The following SYT16 variants were observed in gnomAD, a reference collection of about 807,000 sequenced individuals.
SYT16 encodes synaptotagmin-16.
In SYT16, 42 loss-of-function variants were observed where a neutral mutation model predicts 61.4. The observed-to-expected ratio is 0.68, with a 90% CI of 0.53 to 0.89. The LOEUF is 0.89. SYT16 is among the 40% of genes least tolerant of loss of function. SYT16 has a pLI of 0.00. For synonymous variants in SYT16, 314 were observed against 302.3 expected, an observed-to-expected ratio of 1.04 and a Z score of -0.40; for missense variants, 804 against 807.3, an observed-to-expected ratio of 1.00 and a Z score of 0.05.
At chr14:62,076,440 A>G (rs2056498354) in intron 5 of SYT16, among the ~76,000 whole-genome samples, 1 of 133,058 alleles carries the variant, frequency 7.5e-6, no homozygotes, top group Non-Finnish European at 1.6e-5. Flanking sequence ...TAAATGCTCA[A>G]GGTAAAAAAA....
chr14:61,878,019 C>T (rs2047561079), intron 1 of SYT16, among the ~76,000 whole-genome samples: 1 of 152,092 alleles, frequency 6.6e-6, no homozygotes, highest in Non-Finnish European at 1.5e-5. Context: ...GTATACCTGC[C>T]CTGGGCAAGG....
chr14:61,941,681 C>T (rs2050216702), intron 1 of SYT16, among the ~76,000 whole-genome samples: 1 of 152,190 alleles, frequency 6.6e-6, no homozygotes, highest in African/African-American at 2.4e-5. Flanking sequence ...TTCTTCTTAG[C>T]TCTGCAGCTC....
At chr14:61,841,722 G>A (rs2046306636) in intron 1 of SYT16, among the ~76,000 whole-genome samples, 1 of 152,112 alleles carries the variant, frequency 6.6e-6, no homozygotes, top group African/African-American at 2.4e-5. Context: ...TTATGTTCAT[G>A]TGTGCCATTT....
chr14:62,048,220 T>A (rs563654149), intron 3 of SYT16, among the ~76,000 whole-genome samples: 44 of 152,250 alleles, frequency 2.9e-4, no homozygotes, highest in Admixed American at 3.3e-4. Context: ...TGTATGTGTC[T>A]AGGAATTTAT....
At chr14:61,856,397 T>A (rs1036017901) in intron 1 of SYT16, among the ~76,000 whole-genome samples, 1 of 152,162 alleles carries the variant, frequency 6.6e-6, no homozygotes, top group Non-Finnish European at 1.5e-5. Flanking sequence ...TTATCTCCAA[T>A]ATAATATTTT....
chr14:62,068,715 G>T (rs1473756659), intron 3 of SYT16, among the ~76,000 whole-genome samples: 2 of 152,030 alleles, frequency 1.3e-5, no homozygotes. Flanking sequence ...TCAAAGGTTG[G>T]GTTGTTGATG....
At chr14:62,016,907 C>T (rs1219509021) in intron 3 of SYT16, among the ~76,000 whole-genome samples, 1 of 152,056 alleles carries the variant, frequency 6.6e-6, no homozygotes, top group Non-Finnish European at 1.5e-5. Context: ...ATTACTCATC[C>T]CTGTATCCCA....
intron 1 of SYT16, among the ~76,000 whole-genome samples, chr14:61,899,961 A>T (rs1328551424): frequency 6.6e-6 from 1 of 152,222 alleles, no homozygotes; most frequent in Non-Finnish European, 1.5e-5. Context: ...AATGACTGAC[A>T]TAAGGCAAGA....
chr14:61,939,211 G>C (rs1266656939), intron 1 of SYT16, among the ~76,000 whole-genome samples: 1 of 152,170 alleles, frequency 6.6e-6, no homozygotes, highest in Non-Finnish European at 1.5e-5. Flanking sequence ...TGCTATAGAA[G>C]TCTGGAGGAC....
chr14:61,831,344 T>G lies in SYT16; in HGVS notation c.-325+18534T>G, dbSNP rs1011223718. Among the ~76,000 whole-genome samples, 4 of 151,552 alleles carry G rather than the reference T, an allele frequency of 2.6e-5. No individual in the cohort carries two copies. The South Asian group carries it at 6.2e-4, about 24-fold the overall frequency. ...ATTTTAATGTATTACTTTTTAGTCC[T>G]TTATCATCTATCACTGATGAGAATT... On this transcript the variant is annotated intron_variant, in intron 1 of 7. Transcript: ENST00000683842.
intron 2 of SYT16, among the ~76,000 whole-genome samples, chr14:61,973,165 T>G (rs2051635064): frequency 6.6e-6 from 1 of 152,194 alleles, no homozygotes; most frequent in African/African-American, 2.4e-5. Context: ...GATGTTTATT[T>G]TCCAAACCTA....
chr14:61,904,459 T>C (rs2048631539), intron 1 of SYT16, among the ~76,000 whole-genome samples: 1 of 152,178 alleles, frequency 6.6e-6, no homozygotes, highest in Non-Finnish European at 1.5e-5. Flanking sequence ...TGTGATGTTA[T>C]GAGGTTGTGT....
At position 62,102,007 on chromosome 14, in the gene SYT16, A is replaced by T. The variant is rs187556563; in HGVS notation, c.*1300A>T. Reference sequence around the variant, plus strand: ...TTAATTTCAATTACTTTAAATTGGCATTAATAAAAAAATAGGGAAAGAATG... The same window carrying T: ...TTAATTTCAATTACTTTAAATTGGCTTTAATAAAAAAATAGGGAAAGAATG... On this transcript the variant is annotated 3_prime_UTR_variant, in exon 8 of 8. Transcript: ENST00000683842. 2 of 152,316 alleles carry T rather than the reference A, an allele frequency of 1.3e-5. No individual in the cohort carries two copies. Among genetic ancestry groups the T allele is most frequent in the Non-Finnish European group, 2.9e-5 (2 of 68,004 alleles). The allele number at this position is 152,316 out of a possible 1,614,324, so 9.4% of individuals were successfully genotyped here.
chr14:61,910,132 C>T (rs1158907473), intron 1 of SYT16, among the ~76,000 whole-genome samples: 1 of 152,198 alleles, frequency 6.6e-6, no homozygotes, highest in Non-Finnish European at 1.5e-5. Flanking sequence ...TCATTGCTAT[C>T]ATTCATATCC....
chr14:61,813,829 G>A (rs1015872159), intron 1 of SYT16, among the ~76,000 whole-genome samples: 3 of 149,552 alleles, frequency 2.0e-5, no homozygotes, highest in African/African-American at 7.4e-5. Context: ...TTTTTGAGAG[G>A]TGAGGAGGAA....
chr14:62,069,883 T>C (rs2056230302), intron 4 of SYT16, 68 bp downstream of exon 4: 1 of 1,511,802 alleles, frequency 6.6e-7, no homozygotes, highest in African/African-American at 1.4e-5. Context: ...TCCGAATTAT[T>C]CACCCTCTGC....
intron 1 of SYT16, among the ~76,000 whole-genome samples, chr14:61,958,864 A>G (rs1276621962): frequency 6.6e-6 from 1 of 151,964 alleles, no homozygotes; most frequent in Non-Finnish European, 1.5e-5. Flanking sequence ...GTCTTTTATT[A>G]TATTGCATTG....
chr14:62,038,332 C>CAT (rs1566786082), intron 3 of SYT16, among the ~76,000 whole-genome samples: 1 of 150,962 alleles, frequency 6.6e-6, no homozygotes, highest in East Asian at 2.0e-4. Flanking sequence ...ATTCATATAC[C>CAT]ATACTCTAGC....
chr14:62,026,718 C>T (rs568690972), intron 3 of SYT16, among the ~76,000 whole-genome samples: 65 of 152,254 alleles, frequency 4.3e-4, no homozygotes, highest in Middle Eastern at 6.8e-3. Flanking sequence ...ACATCAGAGC[C>T]AGTATACCGC....
Sources: gnomAD v4.1 joint callset for allele counts (sites outside exome capture counted in the v4.1 genomes callset) on GRCh38, gnomAD v4.1.1 for gene constraint, MANE v1.5 for transcripts, NCBI Gene and HGNC (gene_info 2026-07-23, HGNC 2026-07-21) for gene names.